SYT14: variants seen among roughly 807,000 people sequenced by gnomAD.
SYT14 encodes synaptotagmin-14.
In SYT14, 32 loss-of-function variants were observed where a neutral mutation model predicts 74.2. The ratio of observed to expected loss-of-function variants is 0.43; its 90% CI spans 0.33 to 0.58. The LOEUF (loss-of-function observed/expected upper bound fraction) is 0.58, where lower values mean the gene tolerates loss of function less well. SYT14 is among the 20% of genes least tolerant of loss of function. SYT14 has a pLI of 0.05. For synonymous variants in SYT14, 298 were observed against 337.7 expected (o/e 0.88, Z 1.29); for missense variants, 791 against 981.8 (o/e 0.81, Z 2.60).
At chr1:210,042,835 A>T (rs975401721) in intron 5 of SYT14, among the ~76,000 whole-genome samples, 7 of 152,130 alleles carry the variant, frequency 4.6e-5, no homozygotes, top group Non-Finnish European at 1.0e-4. Context: ...TTGGCTATAC[A>T]GGCTCTTTTT....
intron 5 of SYT14, among the ~76,000 whole-genome samples, chr1:210,037,762 A>C (rs548090766): frequency 6.6e-6 from 1 of 152,046 alleles, no homozygotes; most frequent in South Asian, 2.1e-4. Context: ...TCCTCATGGA[A>C]TCGATTTCTA....
intron 2 of SYT14, among the ~76,000 whole-genome samples, chr1:210,004,928 G>A (rs946356766): frequency 6.6e-6 from 1 of 151,854 alleles, no homozygotes; most frequent in Non-Finnish European, 1.5e-5. Flanking sequence ...TATTCTAGAT[G>A]CATTGAGAAT....
intron 5 of SYT14, among the ~76,000 whole-genome samples, chr1:210,062,091 T>C (rs892308017): frequency 6.6e-6 from 1 of 151,900 alleles, no homozygotes; most frequent in African/African-American, 2.4e-5. Flanking sequence ...CTAGCTTTTT[T>C]AAAGGCAGCT....
At chr1:209,957,790 G>T (rs995524205) in intron 2 of SYT14, among the ~76,000 whole-genome samples, 1 of 151,998 alleles carries the variant, frequency 6.6e-6, no homozygotes, top group African/African-American at 2.4e-5. Context: ...CCAGTTTTGG[G>T]GAGGTAAAAC....
At chr1:210,132,560 T>C (rs2082696757) in intron 7 of SYT14, among the ~76,000 whole-genome samples, 1 of 127,376 alleles carries the variant, frequency 7.9e-6, no homozygotes, top group Admixed American at 9.0e-5. Flanking sequence ...GATGATGATT[T>C]TATATATTGT....
At chr1:210,116,520 T>A (rs547179088) in intron 7 of SYT14, among the ~76,000 whole-genome samples, 2 of 152,262 alleles carry the variant, frequency 1.3e-5, no homozygotes, top group East Asian at 3.9e-4. Flanking sequence ...CTAATTTTTG[T>A]ATTTTTGGTA....
exon 10 of SYT14, chr1:210,164,542 G>A (rs2083435568): frequency 6.4e-6 from 1 of 156,022 alleles, no homozygotes. Context: ...ATATGAAGAT[G>A]TGTGGGGATA....
At chr1:210,141,370 C>T (rs2082911208) in intron 7 of SYT14, among the ~76,000 whole-genome samples, 2 of 152,086 alleles carry the variant, frequency 1.3e-5, no homozygotes, top group South Asian at 4.1e-4. Context: ...AATTGATTTT[C>T]ATATATTGAT....
At chr1:210,085,170 T>G (rs2081697637) in intron 5 of SYT14, among the ~76,000 whole-genome samples, 1 of 152,252 alleles carries the variant, frequency 6.6e-6, no homozygotes, top group African/African-American at 2.4e-5. Context: ...ATATGTGAGA[T>G]TTTTAAAATT....
intron 2 of SYT14, among the ~76,000 whole-genome samples, chr1:209,993,088 A>G (rs1481335140): frequency 2.0e-5 from 3 of 152,156 alleles, no homozygotes; most frequent in Non-Finnish European, 4.4e-5. Flanking sequence ...TAATTTTCAG[A>G]TGTTGCAGAG....
At chr1:210,012,268 C>G (rs2080099570) in intron 2 of SYT14, among the ~76,000 whole-genome samples, 1 of 152,226 alleles carries the variant, frequency 6.6e-6, no homozygotes, top group South Asian at 2.1e-4. Flanking sequence ...CTTTCCCAAT[C>G]ATAGCCTTTC....
intron 7 of SYT14, among the ~76,000 whole-genome samples, chr1:210,140,912 G>T (rs2082900879): frequency 1.3e-5 from 2 of 151,912 alleles, no homozygotes; most frequent in South Asian, 4.2e-4. Flanking sequence ...TTTATAATCA[G>T]TTTTAAAATT....
At chr1:210,078,726 A>G (rs1280636193) in intron 5 of SYT14, among the ~76,000 whole-genome samples, 7 of 151,288 alleles carry the variant, frequency 4.6e-5, no homozygotes, top group South Asian at 4.1e-4. Context: ...TTGACCGTCT[A>G]TGAATAATAT....
intron 7 of SYT14, among the ~76,000 whole-genome samples, chr1:210,102,635 G>C (rs528722013): frequency 1.3e-5 from 2 of 152,072 alleles, no homozygotes; most frequent in Non-Finnish European, 2.9e-5. Context: ...TAATATATCT[G>C]TAAGAGATAC....
At chr1:209,953,046 C>G (rs1558089292) in intron 2 of SYT14, 1 of 1,369,838 alleles carries the variant, frequency 7.3e-7, no homozygotes, top group Non-Finnish European at 9.6e-7. Context: ...GATTTTTGTT[C>G]CCTTTCAGAA....
At chr1:209,985,174 A>G (rs1391918052) in intron 2 of SYT14, among the ~76,000 whole-genome samples, 1 of 152,208 alleles carries the variant, frequency 6.6e-6, no homozygotes, top group African/African-American at 2.4e-5. Context: ...GTCTCATCTG[A>G]TACAAGGCAA....
At chr1:210,119,465 T>C (rs1361971076) in intron 7 of SYT14, among the ~76,000 whole-genome samples, 1 of 152,226 alleles carries the variant, frequency 6.6e-6, no homozygotes, top group Non-Finnish European at 1.5e-5. Flanking sequence ...ACATTTTAAA[T>C]TGAATGAAAT....
intron 5 of SYT14, among the ~76,000 whole-genome samples, chr1:210,071,259 C>A (rs1448608598): frequency 1.4e-5 from 1 of 68,994 alleles, no homozygotes; most frequent in Admixed American, 1.2e-4. Flanking sequence ...AAGAGCTTTC[C>A]TTTAGTAAGT....
chr1:210,078,176 A>G (rs897733896), intron 5 of SYT14, among the ~76,000 whole-genome samples: 1 of 151,204 alleles, frequency 6.6e-6, no homozygotes, highest in South Asian at 2.1e-4. Context: ...CGGGCGTGGT[A>G]GCGGGCGCCT....
Sources: gnomAD v4.1 joint callset for allele counts (sites outside exome capture counted in the v4.1 genomes callset) on GRCh38, gnomAD v4.1.1 for gene constraint, MANE v1.5 for transcripts, NCBI Gene and HGNC (gene_info 2026-07-23, HGNC 2026-07-21) for gene names.